The following ANKFN1 variants were observed in gnomAD, a reference collection of about 807,000 sequenced individuals.
The protein encoded by ANKFN1 is ankyrin repeat and fibronectin type III domain containing 1, also known as ankyrin repeat and fibronectin type-III domain-containing protein 1.
Under a neutral mutation model 108.7 loss-of-function variants are expected in ANKFN1, and 74 were observed. The observed-to-expected ratio is 0.68, with a 90% CI of 0.56 to 0.83. The LOEUF is 0.83. Among genes scored for constraint, ANKFN1 ranks in the 40% least tolerant of loss-of-function variants. ANKFN1 has a pLI of 0.00. For synonymous variants in ANKFN1, 547 were observed against 516.2 expected (o/e 1.06, Z -0.81); for missense variants, 1,505 against 1,382.3 (o/e 1.09, Z -1.41).
chr17:56,102,823 C>T (rs1598095695), intron 4 of ANKFN1, among the ~76,000 whole-genome samples: 1 of 152,198 alleles, frequency 6.6e-6, no homozygotes, highest in Admixed American at 6.5e-5. Flanking sequence ...AAGCGATCCT[C>T]CTGCCTTGAC....
intron 1 of ANKFN1, among the ~76,000 whole-genome samples, chr17:56,167,199 T>A (rs1283572270): frequency 1.3e-5 from 2 of 149,924 alleles, no homozygotes; most frequent in Non-Finnish European, 3.0e-5. Flanking sequence ...TATACATATA[T>A]GTTACATATA....
chr17:56,363,149 G>C (rs543745927), intron 6 of ANKFN1, among the ~76,000 whole-genome samples: 1 of 151,968 alleles, frequency 6.6e-6, no homozygotes, highest in Non-Finnish European at 1.5e-5. Flanking sequence ...GCTTGAACAC[G>C]GGAGGCACAG....
rs895301545 is a variant in ANKFN1 at position 56,174,449 on chromosome 17, G to A, written c.-71+20919G>A. The A allele has an allele frequency of 9.2e-6, 9 of 979,900 alleles. No homozygotes were observed. The African/African-American group carries it at 1.6e-4, about 17-fold the overall frequency. 60.7% of individuals were successfully genotyped at this position (979,900 alleles called of 1,614,324 possible). ...CAGTGATCTTTTTAGTGAATTGCTT[G>A]AGGGTTCTCTGGCTAGACCTGGTGC... On this transcript the variant is annotated intron_variant, in intron 1 of 20. Coordinates refer to ENST00000682825, the MANE Select transcript of ANKFN1 (RefSeq NM_001370326.1).
intron 4 of ANKFN1, among the ~76,000 whole-genome samples, chr17:56,128,442 C>T (rs1907069860): frequency 6.6e-6 from 1 of 152,178 alleles, no homozygotes; most frequent in African/African-American, 2.4e-5. Flanking sequence ...CGAAGAAAGC[C>T]TTCAATCTCA....
intron 2 of ANKFN1, among the ~76,000 whole-genome samples, chr17:56,222,844 A>G (rs564995330): frequency 6.6e-6 from 1 of 152,340 alleles, no homozygotes; most frequent in African/African-American, 2.4e-5. Context: ...CCTAGTATAA[A>G]GTACTTGCAA....
intron 20 of ANKFN1, among the ~76,000 whole-genome samples, chr17:56,501,667 T>C (rs2051375284): frequency 6.6e-6 from 1 of 152,144 alleles, no homozygotes; most frequent in Admixed American, 6.5e-5. Flanking sequence ...GTGAATGATG[T>C]TTGAAGCTAG....
intron 3 of ANKFN1, among the ~76,000 whole-genome samples, chr17:56,283,752 G>C (rs962434391): frequency 2.0e-5 from 3 of 151,886 alleles, no homozygotes; most frequent in Non-Finnish European, 4.4e-5. Context: ...AGGGTGGGAG[G>C]GGGGTGAGGG....
chr17:56,434,328 T>C (rs1298198787), intron 8 of ANKFN1, among the ~76,000 whole-genome samples: 1 of 151,376 alleles, frequency 6.6e-6, no homozygotes, highest in African/African-American at 2.4e-5. Flanking sequence ...TGATTCCAAC[T>C]TTGCTTTAAT....
chr17:56,332,306 C>T (rs554821492), intron 4 of ANKFN1, among the ~76,000 whole-genome samples: 1 of 152,258 alleles, frequency 6.6e-6, no homozygotes, highest in Admixed American at 6.5e-5. Context: ...GTGAAGCCAA[C>T]ATGAGGAGGC....
chr17:56,207,597 A>G (rs72831999), intron 1 of ANKFN1, among the ~76,000 whole-genome samples: 7,288 of 152,198 alleles, frequency 0.048, 201 homozygotes, highest in Middle Eastern at 0.085. Context: ...GCAGTGGCAA[A>G]TGCCTCTGCT....
At chr17:56,329,258 A>G (rs951916197) in intron 4 of ANKFN1, among the ~76,000 whole-genome samples, 5 of 152,054 alleles carry the variant, frequency 3.3e-5, no homozygotes, top group Admixed American at 2.0e-4. Flanking sequence ...TACCACTGTG[A>G]GTGTCAAAGC....
intron 8 of ANKFN1, among the ~76,000 whole-genome samples, chr17:56,392,736 G>A (rs1365968828): frequency 2.6e-5 from 4 of 152,122 alleles, no homozygotes; most frequent in Non-Finnish European, 5.9e-5. Context: ...AGCAGGCTCA[G>A]GGTCTATCTG....
chr17:56,391,893 A>T (rs1403895172), intron 8 of ANKFN1, among the ~76,000 whole-genome samples: 1 of 152,190 alleles, frequency 6.6e-6, no homozygotes, highest in East Asian at 1.9e-4. Flanking sequence ...ACCCATATAT[A>T]AAATAGGTAC....
chr17:56,065,902 T>C (rs1210325828), intron 4 of ANKFN1, among the ~76,000 whole-genome samples: 2 of 152,184 alleles, frequency 1.3e-5, no homozygotes, highest in Non-Finnish European at 2.9e-5. Context: ...ATGGCCCCAA[T>C]AGACTTACTC....
In ANKFN1 at chr17:56,482,386, G is replaced by A. The variant is rs770290685; in HGVS notation, c.2122G>A (p.Val708Met). 2 of 1,611,894 alleles carry A rather than the reference G, an allele frequency of 1.2e-6. No individual in the cohort carries two copies. The highest frequency in any genetic ancestry group is 1.7e-6 in the Non-Finnish European group (2 of 1,178,866). ...ARNFRLYTQEVLEMGHNVSFL... is the reference protein window; with the variant it reads ...ARNFRLYTQEMLEMGHNVSFL... Reference sequence around the variant, plus strand: ...GAACTTCCGCCTCTACACACAGGAGGTGTTGGAAATGGGTCACAATGTGTC... The same window carrying A: ...GAACTTCCGCCTCTACACACAGGAGATGTTGGAAATGGGTCACAATGTGTC... The change falls in exon 18 of 21, where the codon GTG becomes ATG. Residue 708 changes from valine (V) to methionine (M), a missense_variant. Physicochemically the swap from Val to Met is conservative, Grantham distance 21. Coordinates refer to ENST00000682825, the MANE Select transcript of ANKFN1 (RefSeq NM_001370326.1).
chr17:56,058,611 G>A (rs1904921284), intron 4 of ANKFN1, among the ~76,000 whole-genome samples: 1 of 98,014 alleles, frequency 1.0e-5, no homozygotes. Flanking sequence ...AAAAGGCCCT[G>A]CTGTGTGTTG....
intron 1 of ANKFN1, among the ~76,000 whole-genome samples, chr17:56,203,254 A>G (rs1006173459): frequency 6.6e-6 from 1 of 152,192 alleles, no homozygotes; most frequent in African/African-American, 2.4e-5. Context: ...CGGGACATAC[A>G]TACATCTTAG....
At chr17:56,239,163 G>A (rs559037315) in intron 3 of ANKFN1, among the ~76,000 whole-genome samples, 3 of 152,220 alleles carry the variant, frequency 2.0e-5, no homozygotes, top group South Asian at 2.1e-4. Flanking sequence ...GGAGAGGATT[G>A]TAAGATATAG....
At position 56,227,967 on chromosome 17, in the gene ANKFN1, T is replaced by C; in HGVS notation, c.53+10T>C. 2 of 1,605,148 alleles carry C rather than the reference T, an allele frequency of 1.2e-6. No individual in the cohort carries two copies. The highest frequency in any genetic ancestry group is 1.7e-6 in the Non-Finnish European group (2 of 1,176,512). ...TTACTTGCAGCAAAATGTAAGTACATTTCCTCCTTGAAATGGTATCTACTT... is the reference window on the plus strand; with the variant it reads ...TTACTTGCAGCAAAATGTAAGTACACTTCCTCCTTGAAATGGTATCTACTT... On this transcript the variant is annotated intron_variant, in intron 3 of 20. Coordinates refer to ENST00000682825, the MANE Select transcript of ANKFN1 (RefSeq NM_001370326.1).
Sources: gnomAD v4.1 joint callset for allele counts (sites outside exome capture counted in the v4.1 genomes callset) on GRCh38, gnomAD v4.1.1 for gene constraint, MANE v1.5 for transcripts, NCBI Gene and HGNC (gene_info 2026-07-23, HGNC 2026-07-21) for gene names.